ZMYND8: variants seen among roughly 807,000 people sequenced by gnomAD.
ZMYND8 encodes zinc finger MYND-type containing 8.
A neutral mutation model predicts 140.8 loss-of-function variants in ZMYND8; 37 were observed. The observed-to-expected ratio is 0.26, with a 90% CI of 0.20 to 0.35. The LOEUF (loss-of-function observed/expected upper bound fraction) is 0.35, where lower values mean the gene tolerates loss of function less well. ZMYND8 is among the 10% of genes least tolerant of loss of function. The pLI, the probability that ZMYND8 is intolerant of heterozygous loss-of-function variation, is 1.00. For synonymous variants in ZMYND8, 592 were observed against 597.1 expected, an observed-to-expected ratio of 0.99 and a Z score of 0.12; for missense variants, 1,068 against 1,570.0, an observed-to-expected ratio of 0.68 and a Z score of 5.40.
Position 47,210,677 on chromosome 20 carries a change from T to C in ZMYND8, c.*84A>G. The C allele has an allele frequency of 2.5e-6, 4 of 1,610,294 alleles. No individual in the cohort carries two copies. The highest frequency in any genetic ancestry group is 3.4e-6 in the Non-Finnish European group (4 of 1,177,564). On this transcript the variant is annotated 3_prime_UTR_variant, in exon 23 of 23. Transcript: ENST00000471951. ...TCATTTTCAAGTCTGAAAGTGGCTG[T>C]TCTCCTGCCTTTGTTGTTTCTTCTT...
intron 2 of ZMYND8, among the ~76,000 whole-genome samples, chr20:47,331,094 G>A (rs1395789209): frequency 1.3e-5 from 2 of 152,014 alleles, no homozygotes; most frequent in Admixed American, 6.5e-5. Flanking sequence ...AACGGAACAC[G>A]GAGAGAATGG....
intron 16 of ZMYND8, among the ~76,000 whole-genome samples, chr20:47,232,778 G>A (rs936190889): frequency 2.0e-5 from 3 of 151,964 alleles, no homozygotes; most frequent in Non-Finnish European, 2.9e-5. Flanking sequence ...TATCACTAAC[G>A]AAAAAATTAC....
At chr20:47,273,742 C>A (rs559309000) in intron 11 of ZMYND8, among the ~76,000 whole-genome samples, 2 of 152,258 alleles carry the variant, frequency 1.3e-5, no homozygotes, top group Admixed American at 6.5e-5. Context: ...AATTGATCCT[C>A]CCAGCTCAGC....
At chr20:47,355,625 G>T in intron 1 of ZMYND8, 1 of 403,372 alleles carries the variant, frequency 2.5e-6, no homozygotes, top group Non-Finnish European at 3.4e-6. Context: ...GCTGTCATGA[G>T]CCACAGACAT....
Position 47,276,296 on chromosome 20 carries a change from C to A in ZMYND8, c.1480+18G>T, listed in dbSNP as rs371008363. On this transcript the variant is annotated intron_variant, in intron 11 of 22. Coordinates refer to ENST00000471951, the MANE Select transcript of ZMYND8 (RefSeq NM_001281775.3). ...GTGTCCAAGGGGCCTCCTCCCCGCT[C>A]CCCCGCACGGAGCTGACCTGTGCTC... 6.6e-7 allele frequency: 1 copy of A among 1,515,284 alleles called. No individual in the cohort carries two copies. The highest frequency in any genetic ancestry group is 1.4e-5 in the African/African-American group (1 of 72,190). The allele number at this position is 1,515,284 out of a possible 1,614,324, so 93.9% of individuals were successfully genotyped here.
intron 3 of ZMYND8, among the ~76,000 whole-genome samples, chr20:47,309,799 C>T (rs2078782220): frequency 6.6e-6 from 1 of 152,040 alleles, no homozygotes; most frequent in African/African-American, 2.4e-5. Flanking sequence ...CAAGGAAACG[C>T]CCCAAACCCT....
intron 7 of ZMYND8, among the ~76,000 whole-genome samples, chr20:47,287,569 T>C (rs1239265354): frequency 6.6e-6 from 1 of 152,218 alleles, no homozygotes; most frequent in Non-Finnish European, 1.5e-5. Flanking sequence ...TGCTTTGACA[T>C]TCTAAAGGCT....
intron 2 of ZMYND8, among the ~76,000 whole-genome samples, chr20:47,345,479 T>C (rs879305656): frequency 9.3e-5 from 14 of 149,980 alleles, no homozygotes; most frequent in Non-Finnish European, 1.6e-4. Context: ...CAGAAGGAGT[T>C]AGCAAAATGA....
chr20:47,298,042 A>G lies in ZMYND8; in HGVS notation c.453+687T>C, dbSNP rs1003510037. ...TCTCAAATTTTAGTGAGGCTTTCCC[A>G]GACCACCACATTCAAAATGAAAACA... On this transcript the variant is annotated intron_variant, in intron 4 of 22. Transcript: ENST00000471951. This position sits in a 1 kb window ranked among gnomAD's most constrained non-coding sequence, Gnocchi z 5.0. Among the ~76,000 whole-genome samples, 1 of 152,212 alleles carries G rather than the reference A, an allele frequency of 6.6e-6. No homozygotes were observed. The highest frequency in any genetic ancestry group is 1.5e-5 in the Non-Finnish European group (1 of 68,040).
At chr20:47,232,380 T>TAAAC (rs1243388509) in intron 16 of ZMYND8, among the ~76,000 whole-genome samples, 2 of 151,286 alleles carry the variant, frequency 1.3e-5, no homozygotes, top group Non-Finnish European at 2.9e-5. Context: ...AATAAATAAA[T>TAAAC]AAATAAATAA....
rs117563901 is a variant in ZMYND8 at position 47,287,395 on chromosome 20, C to T, written c.749-111G>A. ...TACTTGCTTTTCCCCCAGGATTAAG[C>T]TTTTAAAGGCTAAAACCAGAGGTTC... On this transcript the variant is annotated intron_variant, in intron 7 of 22. Coordinates refer to ENST00000471951, the MANE Select transcript of ZMYND8 (RefSeq NM_001281775.3). 4.6e-4 allele frequency: 414 copies of T among 897,334 alleles called. 6 individuals are homozygous for T. In the East Asian group the frequency reaches 0.011, roughly 23 times the overall value. 55.6% of individuals were successfully genotyped at this position (897,334 alleles called of 1,614,324 possible). A position where few individuals can be genotyped will look rare whatever the true frequency, so the allele number is the denominator to read the frequency against.
At chr20:47,312,768 C>T (rs1373531015) in intron 2 of ZMYND8, among the ~76,000 whole-genome samples, 4 of 144,406 alleles carry the variant, frequency 2.8e-5, no homozygotes, top group African/African-American at 7.8e-5. Context: ...CCAGTCTGGG[C>T]GACAGAGCGA....
chr20:47,290,308 G>GAGTCTAGACAAGCCACAGTC, intron 6 of ZMYND8, 34 bp from the exon 7 acceptor site: 2 of 1,595,370 alleles, frequency 1.3e-6, no homozygotes, highest in Non-Finnish European at 1.7e-6. Flanking sequence ...TAATCACAGT[G>GAGTCTAGACAAGCCACAGTC]AGTCTAGACA....
chr20:47,270,697 GAAAAAA>G (rs34474269), intron 11 of ZMYND8, among the ~76,000 whole-genome samples: 2 of 86,666 alleles, frequency 2.3e-5, no homozygotes, highest in Non-Finnish European at 4.2e-5. Flanking sequence ...CCCTGTCTCT[GAAAAAA>G]AAAAAAAAAA....
At chr20:47,215,358 G>GC (rs2035929817) in intron 21 of ZMYND8, among the ~76,000 whole-genome samples, 1 of 152,070 alleles carries the variant, frequency 6.6e-6, no homozygotes, top group African/African-American at 2.4e-5. Flanking sequence ...GGGCAACAGT[G>GC]CAAGACTCCA....
intron 12 of ZMYND8, among the ~76,000 whole-genome samples, chr20:47,255,741 TATATATATATATATATATATATAC>T (rs1188814236): frequency 2.9e-5 from 1 of 34,688 alleles, no homozygotes; most frequent in African/African-American, 1.3e-4. Flanking sequence ...TATATATATA[TATATATATATATATATATATATAC>T]GGTATATATA....
intron 2 of ZMYND8, among the ~76,000 whole-genome samples, chr20:47,341,143 C>T (rs757904962): frequency 2.0e-5 from 3 of 151,858 alleles, no homozygotes; most frequent in Non-Finnish European, 4.4e-5. Flanking sequence ...AAAGGTCAAA[C>T]GAGAGAATGA....
At chr20:47,269,873 G>A (rs1386463812) in intron 11 of ZMYND8, among the ~76,000 whole-genome samples, 2 of 152,230 alleles carry the variant, frequency 1.3e-5, no homozygotes. Context: ...TGGCCAGATG[G>A]TCTAGGATGG....
At chr20:47,332,182 G>A (rs1385236382) in intron 2 of ZMYND8, among the ~76,000 whole-genome samples, 2 of 152,150 alleles carry the variant, frequency 1.3e-5, no homozygotes, top group Non-Finnish European at 2.9e-5. Context: ...ATGGTGACGT[G>A]CGCCTATAAT....
Sources: allele counts gnomAD v4.1 joint callset (sites outside exome capture counted in the v4.1 genomes callset), GRCh38; gene constraint gnomAD v4.1.1; non-coding constraint Gnocchi (gnomAD v3.1); transcripts MANE v1.5; gene names NCBI Gene and HGNC (gene_info 2026-07-23, HGNC 2026-07-21).